Variants in CDH17 observed in about 807,000 individuals in gnomAD.
CDH17 encodes the protein cadherin 17.
Under a neutral mutation model 86.3 loss-of-function variants are expected in CDH17, and 67 were observed. The observed-to-expected ratio is 0.78, with a 90% CI of 0.64 to 0.95. CDH17 has a LOEUF of 0.95. Among genes scored for constraint, CDH17 ranks in the 40% least tolerant of loss-of-function variants. The pLI is 0.00. For synonymous variants in CDH17, 367 were observed against 366.4 expected (o/e 1.00, Z -0.02); for missense variants, 993 against 1,017.6 (o/e 0.98, Z 0.33).
intron 15 of CDH17, among the ~76,000 whole-genome samples, chr8:94,144,774 A>G (rs2130589607): frequency 6.6e-6 from 1 of 152,338 alleles, no homozygotes; most frequent in Middle Eastern, 3.4e-3. Context: ...TATCTAACAA[A>G]GCACATCATC....
intron 5 of CDH17, among the ~76,000 whole-genome samples, chr8:94,174,988 T>C (rs994260633): frequency 1.3e-5 from 2 of 152,226 alleles, no homozygotes; most frequent in African/African-American, 4.8e-5. Context: ...AGTGATGTAC[T>C]AGAGACAGCT....
Position 94,176,794 on chromosome 8 carries a change from GA to G in CDH17, c.286-116del. 3.7e-6 allele frequency: 4 copies of G among 1,075,706 alleles called. 1 individual carries two copies. In the South Asian group the frequency reaches 6.8e-5, roughly 18 times the overall value. 66.6% of individuals were successfully genotyped at this position (1,075,706 alleles called of 1,614,324 possible). On this transcript the variant is annotated intron_variant, in intron 4 of 17. Transcript: ENST00000027335. ...AACCAATGGCCTGGTGACTGTAGGA[GA>G]GAAAGAACTCACAAAAGGCCAAATT...
At chr8:94,192,819 C>T (rs1256248891) in intron 2 of CDH17, among the ~76,000 whole-genome samples, 2 of 152,168 alleles carry the variant, frequency 1.3e-5, no homozygotes, top group Admixed American at 6.5e-5. Flanking sequence ...TTTGGTGCCC[C>T]TGAAGTACAT....
chr8:94,133,726 G>T (rs1441465220), intron 15 of CDH17, among the ~76,000 whole-genome samples: 2 of 152,170 alleles, frequency 1.3e-5, no homozygotes, highest in African/African-American at 4.8e-5. Flanking sequence ...GGGCATCCTT[G>T]TCTTCTGCCG....
chr8:94,208,549 T>C lies in CDH17; in HGVS notation c.-87A>G, dbSNP rs1408453911. 6.6e-6 allele frequency: 1 copy of C among 152,230 alleles called. No individual in the cohort carries two copies. Among genetic ancestry groups the C allele is most frequent in the Admixed American group, 6.5e-5 (1 of 15,282 alleles). 9.4% of individuals were successfully genotyped at this position (152,230 alleles called of 1,614,324 possible). On this transcript the variant is annotated 5_prime_UTR_variant, in exon 1 of 18. Coordinates refer to ENST00000027335, the MANE Select transcript of CDH17 (RefSeq NM_004063.4). ...TCCATTCAGTGGTCGAGACTCTTGC[T>C]ACGACTGGAGTATCTCCCCCGGGAA...
chr8:94,173,504 A>G (rs1809275861), intron 7 of CDH17, among the ~76,000 whole-genome samples: 1 of 152,178 alleles, frequency 6.6e-6, no homozygotes. Context: ...CCACGCTTGA[A>G]CAGCCTGCAA....
chr8:94,163,301 C>A (rs1187023237), intron 10 of CDH17, among the ~76,000 whole-genome samples: 1 of 152,248 alleles, frequency 6.6e-6, no homozygotes, highest in African/African-American at 2.4e-5. Flanking sequence ...CCCTCTGCAG[C>A]CACCATCCAT....
At chr8:94,174,301 A>T (rs757174124) in intron 5 of CDH17, 41 bp from the exon 6 acceptor site, 31 of 1,538,274 alleles carry the variant, frequency 2.0e-5, no homozygotes, top group Non-Finnish European at 2.5e-5. Flanking sequence ...AAAAAAAGAT[A>T]TTAATTGAAA....
chr8:94,146,647 T>C lies in CDH17; in HGVS notation c.1928-480A>G, dbSNP rs1812750824. Among the ~76,000 whole-genome samples the C allele has an allele frequency of 2.0e-5, 3 of 152,246 alleles. No homozygotes were observed. In the South Asian group the frequency reaches 6.2e-4, roughly 32 times the overall value. On this transcript the variant is annotated intron_variant, in intron 14 of 17. Coordinates refer to ENST00000027335, the MANE Select transcript of CDH17 (RefSeq NM_004063.4). ...TACTATATGATAGGAGTAAAAAACT[T>C]GGATCTGCAGCATAACTGGTTGGTA...
chr8:94,212,451 T>C (rs1814137994), upstream of CDH17, among the ~76,000 whole-genome samples: 1 of 151,986 alleles, frequency 6.6e-6, no homozygotes, highest in Non-Finnish European at 1.5e-5. Flanking sequence ...TATACTTACT[T>C]CTGAGTTTGG....
intron 14 of CDH17, among the ~76,000 whole-genome samples, chr8:94,147,859 T>G (rs918636619): frequency 2.8e-4 from 42 of 152,292 alleles, no homozygotes; most frequent in African/African-American, 8.7e-4. Context: ...CTTTCAAAAG[T>G]TCACCTGATT....
chr8:94,174,262 T>C lies in CDH17; in HGVS notation c.425-2A>G. 1 of 1,587,624 alleles carries C rather than the reference T, an allele frequency of 6.3e-7. No homozygotes were observed. Among genetic ancestry groups the C allele is most frequent in the Non-Finnish European group, 8.6e-7 (1 of 1,169,506 alleles). On this transcript the variant is annotated splice_acceptor_variant, in intron 5 of 17. Coordinates refer to ENST00000027335, the MANE Select transcript of CDH17 (RefSeq NM_004063.4). LOFTEE classifies it high-confidence loss of function. ...CATTGACATACAAGAAGGGCTTTCC[T>C]GTTTAACAAGACGTACCCAGAAAAA...
intron 2 of CDH17, among the ~76,000 whole-genome samples, chr8:94,192,040 G>C (rs1201073193): frequency 2.0e-5 from 3 of 152,188 alleles, no homozygotes; most frequent in Non-Finnish European, 4.4e-5. Flanking sequence ...AGTCACACCA[G>C]TGAAAACTAC....
intron 12 of CDH17, among the ~76,000 whole-genome samples, chr8:94,152,557 C>T (rs759999489): frequency 3.9e-5 from 6 of 152,144 alleles, no homozygotes; most frequent in Non-Finnish European, 8.8e-5. Flanking sequence ...ACCACCACAC[C>T]CAGCTAATTT....
intron 15 of CDH17, among the ~76,000 whole-genome samples, chr8:94,144,748 A>G (rs868493077): frequency 9.2e-5 from 14 of 152,326 alleles, no homozygotes; most frequent in Middle Eastern, 6.8e-3. Context: ...GGGAGAAAAT[A>G]TTTACAAAAG....
At chr8:94,167,387 T>C (rs564808426) in intron 9 of CDH17, among the ~76,000 whole-genome samples, 16 of 152,048 alleles carry the variant, frequency 1.1e-4, no homozygotes, top group African/African-American at 3.6e-4. Flanking sequence ...TTACACCCCC[T>C]CCCCCATCAG....
chr8:94,199,083 A>ATTTTTTTT (rs71510475), intron 1 of CDH17, among the ~76,000 whole-genome samples: 1 of 23,224 alleles, frequency 4.3e-5, no homozygotes, highest in African/African-American at 1.1e-4. Flanking sequence ...ATATATATAT[A>ATTTTTTTT]TTTTTTTTTT....
At chr8:94,181,719 A>G (rs1471439175) in intron 3 of CDH17, among the ~76,000 whole-genome samples, 1 of 146,068 alleles carries the variant, frequency 6.8e-6, no homozygotes, top group Non-Finnish European at 1.5e-5. Flanking sequence ...TTCTACTTAG[A>G]AAAAAAAAAG....
chr8:94,161,534 G>A (rs1813050272), intron 11 of CDH17, among the ~76,000 whole-genome samples: 1 of 152,140 alleles, frequency 6.6e-6, no homozygotes, highest in Admixed American at 6.5e-5. Context: ...ACAGTAATTT[G>A]CATTTTTCTT....
Sources: gnomAD v4.1 joint callset for allele counts (sites outside exome capture counted in the v4.1 genomes callset) on GRCh38, gnomAD v4.1.1 for gene constraint, MANE v1.5 for transcripts, NCBI Gene and HGNC (gene_info 2026-07-23, HGNC 2026-07-21) for gene names.